The following HECW1 variants were observed in gnomAD, a reference collection of about 807,000 sequenced individuals.
HECW1 encodes the protein E3 ubiquitin-protein ligase HECW1.
A neutral mutation model predicts 182.3 loss-of-function variants in HECW1; 61 were observed. The observed-to-expected ratio is 0.33, with a 90% confidence interval of 0.27 to 0.41. The LOEUF (loss-of-function observed/expected upper bound fraction) is 0.41, where lower values mean the gene tolerates loss of function less well. Ranked by LOEUF, HECW1 falls within the 10% of genes least tolerant of loss-of-function variation. The probability of loss-of-function intolerance (pLI) is 1.00; values close to 1 mark genes in which losing one functional copy is unlikely to be tolerated. For missense variants in HECW1, 1,739 were observed against 2,108.9 expected, an observed-to-expected ratio of 0.82 and a Z score of 3.44; for synonymous variants, 859 against 832.6, an observed-to-expected ratio of 1.03 and a Z score of -0.55.
chr7:43,246,981 C>T (rs1341256613), intron 3 of HECW1, among the ~76,000 whole-genome samples: 1 of 152,128 alleles, frequency 6.6e-6, no homozygotes, highest in African/African-American at 2.4e-5. Flanking sequence ...GCCTGAGCAC[C>T]CCTCCATACA....
intron 2 of HECW1, among the ~76,000 whole-genome samples, chr7:43,154,889 G>T (rs992897403): frequency 6.6e-6 from 1 of 152,164 alleles, no homozygotes; most frequent in African/African-American, 2.4e-5. Context: ...TGTAACATTT[G>T]ATATGTACAG....
At chr7:43,525,384 G>A (rs1240640803) in intron 24 of HECW1, among the ~76,000 whole-genome samples, 1 of 152,154 alleles carries the variant, frequency 6.6e-6, no homozygotes, top group Non-Finnish European at 1.5e-5. Flanking sequence ...TCTGTTGGGA[G>A]AGGTTTAAAA....
intron 6 of HECW1, among the ~76,000 whole-genome samples, chr7:43,361,357 T>G (rs960587724): frequency 2.6e-5 from 4 of 152,242 alleles, no homozygotes; most frequent in Non-Finnish European, 5.9e-5. Flanking sequence ...TATTTTCTTA[T>G]GTTTTTATTT....
chr7:43,519,277 T>A (rs920384945), intron 24 of HECW1, among the ~76,000 whole-genome samples: 1 of 152,004 alleles, frequency 6.6e-6, no homozygotes, highest in Non-Finnish European at 1.5e-5. Flanking sequence ...GACAGAGTCT[T>A]GCTCTGTCAC....
chr7:43,408,721 A>C (rs2075696971), intron 8 of HECW1, among the ~76,000 whole-genome samples: 1 of 152,068 alleles, frequency 6.6e-6, no homozygotes, highest in African/African-American at 2.4e-5. Context: ...ATCACCACCC[A>C]TTTGGCTGCC....
At chr7:43,545,865 G>T (rs1008340992) in intron 26 of HECW1, among the ~76,000 whole-genome samples, 8 of 151,986 alleles carry the variant, frequency 5.3e-5, no homozygotes, top group African/African-American at 1.5e-4. Flanking sequence ...CACACTTGGT[G>T]TAACTTTATG....
intron 3 of HECW1, among the ~76,000 whole-genome samples, chr7:43,264,630 G>T (rs1376472289): frequency 6.6e-6 from 1 of 152,044 alleles, no homozygotes; most frequent in Non-Finnish European, 1.5e-5. Context: ...CAGATCACAA[G>T]GTCAGGAGAC....
intron 2 of HECW1, among the ~76,000 whole-genome samples, chr7:43,123,223 G>A (rs905509980): frequency 1.3e-5 from 2 of 152,226 alleles, no homozygotes; most frequent in Non-Finnish European, 2.9e-5. Flanking sequence ...TCTTTACAGA[G>A]TGAGCTCCTC....
In HECW1 at chr7:43,508,093, G is replaced by A. The variant is rs17172219; in HGVS notation, c.3828G>A (p.Gln1276=). ...TGGCCTATTCGCGGAAAGAGCTCCA[G>A]CGAAACAAGCTCTACGTCACCTTTG... ...QVMAYSRKEL[Q]RNKLYVTFVG... Residue 1276 remains glutamine, a synonymous_variant, in exon 23 of 30, where the codon CAG becomes CAA. Transcript: ENST00000395891. 1.1e-3 allele frequency: 1,721 copies of A among 1,614,020 alleles called. 17 individuals carry two copies. The African/African-American group carries it at 0.021, about 19-fold the overall frequency.
chr7:43,373,726 C>T (rs1251802955), intron 6 of HECW1, among the ~76,000 whole-genome samples: 1 of 152,120 alleles, frequency 6.6e-6, no homozygotes, highest in Non-Finnish European at 1.5e-5. Context: ...CCATCATCAC[C>T]GTCTATCTCC....
intron 17 of HECW1, among the ~76,000 whole-genome samples, chr7:43,488,390 GGAAGGAAGGA>G (rs2078751175): frequency 2.1e-5 from 1 of 47,188 alleles, no homozygotes; most frequent in South Asian, 8.5e-4. Flanking sequence ...AAGGAAGGAA[GGAAGGAAGGA>G]AATGAAAGAA....
In HECW1 at chr7:43,379,745, G is replaced by A. The variant is rs540905842; in HGVS notation, c.556-17069G>A. On this transcript the variant is annotated intron_variant, in intron 6 of 29. Coordinates refer to ENST00000395891, the MANE Select transcript of HECW1 (RefSeq NM_015052.5). ...TTCACTCCCTCCCCCCATTTAGATC[G>A]TTTTCTCAAATGTCCCCTCCTGGGA... 6.6e-5 allele frequency among the ~76,000 whole-genome samples: 10 copies of A among 152,106 alleles called. No individual in the cohort carries two copies. In the South Asian group the frequency reaches 8.3e-4, roughly 13 times the overall value.
rs1364788135 is a variant in HECW1, at chr7:43,280,452, A to G, written c.28-31311A>G. ...CACACAGCTAGTTAACTGCAGAATG[A>G]CAACTAGAACCTAAGTTACCTCAAT... is the stretch of plus-strand genomic sequence containing the variant. On this transcript the variant is annotated intron_variant, in intron 3 of 29. Coordinates refer to ENST00000395891, the MANE Select transcript of HECW1 (RefSeq NM_015052.5). Among the ~76,000 whole-genome samples, 7 of 152,318 alleles carry G rather than the reference A, an allele frequency of 4.6e-5. No individual in the cohort carries two copies. In the East Asian group the frequency reaches 1.3e-3, roughly 29 times the overall value.
chr7:43,501,141 T>C, intron 20 of HECW1, 72 bp from the exon 21 acceptor site: 1 of 847,534 alleles, frequency 1.2e-6, no homozygotes, highest in Non-Finnish European at 1.9e-6. Flanking sequence ...CCCCAATTCG[T>C]GAACACTTTC....
intron 7 of HECW1, among the ~76,000 whole-genome samples, chr7:43,397,596 G>A (rs959652116): frequency 1.8e-4 from 27 of 152,102 alleles, no homozygotes; most frequent in Admixed American, 1.4e-3. Flanking sequence ...TGTGGGCAGC[G>A]GGTGGATCTC....
intron 24 of HECW1, among the ~76,000 whole-genome samples, chr7:43,520,555 A>C (rs6463197): frequency 0.62 from 93,686 of 152,018 alleles, 31,280 homozygotes; most frequent in South Asian, 0.76. Flanking sequence ...TGTGTAGTTC[A>C]TTCATGATTT....
At chr7:43,533,192 G>A (rs2081058926) in intron 24 of HECW1, among the ~76,000 whole-genome samples, 1 of 151,976 alleles carries the variant, frequency 6.6e-6, no homozygotes, top group Admixed American at 6.6e-5. Context: ...ACACCAGAAA[G>A]CAAACATCAA....
chr7:43,363,254 G>T (rs560331195), intron 6 of HECW1, among the ~76,000 whole-genome samples: 2 of 152,186 alleles, frequency 1.3e-5, no homozygotes, highest in African/African-American at 4.8e-5. Flanking sequence ...GCTCCCCAAG[G>T]GCTGCCATCA....
chr7:43,519,568 C>T (rs1355599642), intron 24 of HECW1, among the ~76,000 whole-genome samples: 1 of 152,106 alleles, frequency 6.6e-6, no homozygotes, highest in Admixed American at 6.6e-5. Flanking sequence ...AAAAGCTATG[C>T]TGGACTGCCG....
Sources: gnomAD v4.1 joint callset for allele counts (sites outside exome capture counted in the v4.1 genomes callset) on GRCh38, gnomAD v4.1.1 for gene constraint, MANE v1.5 for transcripts, NCBI Gene and HGNC (gene_info 2026-07-23, HGNC 2026-07-21) for gene names.